Variants in ECE1 observed in about 807,000 individuals in gnomAD.
The protein encoded by ECE1 is endothelin converting enzyme 1, also known as endothelin-converting enzyme 1.
ECE1 carries 35 observed loss-of-function variants against 98.6 expected under a neutral mutation model. The ratio of observed to expected loss-of-function variants is 0.35; its 90% CI spans 0.27 to 0.47. The LOEUF is 0.47. ECE1 is among the 20% of genes least tolerant of loss of function. The probability of loss-of-function intolerance (pLI) is 1.00; values close to 1 mark genes in which losing one functional copy is unlikely to be tolerated. For missense variants in ECE1, 814 were observed against 1,025.3 expected (o/e 0.79, Z 2.81); for synonymous variants, 394 against 407.1 (o/e 0.97, Z 0.39).
chr1:21,345,345 A>C lies in ECE1; in HGVS notation c.3+31T>G. 8 of 1,355,450 alleles carry C rather than the reference A, an allele frequency of 5.9e-6. No individual in the cohort carries two copies. The highest frequency in any genetic ancestry group is 7.7e-6 in the Non-Finnish European group (8 of 1,045,150). The allele number at this position is 1,355,450 out of a possible 1,614,324, so 84.0% of individuals were successfully genotyped here. A position where few individuals can be genotyped will look rare whatever the true frequency, so the allele number is the denominator to read the frequency against. ...CCCGCGACCGTCGAGGCTGGGCTGGACCGGACCAGACCTCCGCGCGCAGCA... is the reference window on the plus strand; with the variant it reads ...CCCGCGACCGTCGAGGCTGGGCTGGCCCGGACCAGACCTCCGCGCGCAGCA... On this transcript the variant is annotated intron_variant, in intron 1 of 18. Coordinates refer to the ECE1 transcript ENST00000415912. The surrounding 1 kb of genome is among the most constrained non-coding windows in gnomAD (Gnocchi z 5.1).
chr1:21,268,146 GGCA>G (rs2098236211), intron 4 of ECE1, among the ~76,000 whole-genome samples: 2 of 152,180 alleles, frequency 1.3e-5, no homozygotes, highest in African/African-American at 4.8e-5. Context: ...AGACAATGGA[GGCA>G]GCAGGTTTGA....
intron 1 of ECE1, among the ~76,000 whole-genome samples, chr1:21,332,666 C>A (rs1414061137): frequency 1.5e-5 from 1 of 64,998 alleles, no homozygotes; most frequent in Non-Finnish European, 2.9e-5. Context: ...AGGAGGAGAG[C>A]GGAGGAGACA....
intron 4 of ECE1, among the ~76,000 whole-genome samples, chr1:21,264,790 C>T (rs531157220): frequency 3.0e-4 from 45 of 152,306 alleles, no homozygotes; most frequent in African/African-American, 7.2e-4. Context: ...TTCATGGAGG[C>T]GTAATGATAA....
In ECE1 at chr1:21,322,003, G is replaced by A. The variant is rs1017885071; in HGVS notation, c.3+23373C>T. Among the ~76,000 whole-genome samples the A allele has an allele frequency of 3.3e-5, 5 of 152,142 alleles. No homozygotes were observed. The highest frequency in any genetic ancestry group is 1.2e-4 in the African/African-American group (5 of 41,414). ...TAAGACCGCTTGGAAGGGGCCAGTTGGTGTGATTCCCAGGTCCGAATGAAA... is the reference window on the plus strand; with the variant it reads ...TAAGACCGCTTGGAAGGGGCCAGTTAGTGTGATTCCCAGGTCCGAATGAAA... On this transcript the variant is annotated intron_variant, in intron 1 of 18. Coordinates refer to the ECE1 transcript ENST00000415912. The surrounding 1 kb of genome is among the most constrained non-coding windows in gnomAD (Gnocchi z 4.1).
intron 1 of ECE1, among the ~76,000 whole-genome samples, chr1:21,296,204 C>T (rs1201584111): frequency 2.0e-5 from 3 of 152,032 alleles, no homozygotes; most frequent in East Asian, 1.9e-4. Flanking sequence ...AAGTCAAATA[C>T]GAGTTATTAA....
chr1:21,232,868 G>A (rs768700542), intron 14 of ECE1, among the ~76,000 whole-genome samples: 1 of 152,026 alleles, frequency 6.6e-6, no homozygotes, highest in Non-Finnish European at 1.5e-5. Flanking sequence ...AGTAGAGACA[G>A]GGTTTTGCCA....
chr1:21,228,653 G>A (rs2098177607), intron 14 of ECE1, among the ~76,000 whole-genome samples: 1 of 151,884 alleles, frequency 6.6e-6, no homozygotes, highest in Non-Finnish European at 1.5e-5. Context: ...GCCAGGCGTG[G>A]TGGCGCACAC....
chr1:21,343,808 C>G (rs560597398), intron 1 of ECE1, among the ~76,000 whole-genome samples: 2 of 152,258 alleles, frequency 1.3e-5, no homozygotes, highest in Non-Finnish European at 2.9e-5. Flanking sequence ...GAGGGGACCT[C>G]TTTCTTTTTT....
rs2098205003 is a variant in ECE1, at chr1:21,247,253, C to G, written c.1131G>C (p.Gln377His). The G allele has an allele frequency of 6.2e-7, 1 of 1,614,074 alleles. No homozygotes were observed. The highest frequency in any genetic ancestry group is 1.3e-5 in the African/African-American group (1 of 74,944). The change falls in exon 9 of 19, where the codon CAG becomes CAC. Residue 377 changes from glutamine (Q) to histidine (H), a missense_variant. Physicochemically the swap from Gln to His is conservative, Grantham distance 24. Transcript: ENST00000374893. ...IVVYDKEYLEQISTLINTTDR... is the reference protein window; with the variant it reads ...IVVYDKEYLEHISTLINTTDR... ...CGGTGGTGTTGATGAGAGTGGAGATCTGCTCAAGGTATTCCTTGTCATAGA... is the reference window on the plus strand; with the variant it reads ...CGGTGGTGTTGATGAGAGTGGAGATGTGCTCAAGGTATTCCTTGTCATAGA...
At chr1:21,274,362 G>A (rs1001321011) in intron 3 of ECE1, among the ~76,000 whole-genome samples, 24 of 152,362 alleles carry the variant, frequency 1.6e-4, no homozygotes, top group Non-Finnish European at 3.5e-4. Flanking sequence ...CAGTGAGGCA[G>A]GGTGGGCTTT....
Position 21,233,459 on chromosome 1 carries a change from T to A in ECE1, c.1670+99A>T. 1 of 1,047,514 alleles carries A rather than the reference T, an allele frequency of 9.5e-7. No homozygotes were observed. Among genetic ancestry groups the A allele is most frequent in the Non-Finnish European group, 1.5e-6 (1 of 689,388 alleles). The allele number at this position is 1,047,514 out of a possible 1,614,324, so 64.9% of individuals were successfully genotyped here. On this transcript the variant is annotated intron_variant, in intron 14 of 18. Transcript: ENST00000374893. This position sits in a 1 kb window ranked among gnomAD's most constrained non-coding sequence, Gnocchi z 4.0. ...TTCAGACGGCTCTCGTGATAGCTGA[T>A]CGGGTGCACAGTGAGGGTGCAATGA...
intron 4 of ECE1, among the ~76,000 whole-genome samples, chr1:21,264,548 C>T (rs2098231452): frequency 6.6e-6 from 1 of 152,172 alleles, no homozygotes; most frequent in Admixed American, 6.5e-5. Flanking sequence ...CTCCTGACCT[C>T]AGGTGGTCTG....
intron 15 of ECE1, 87 bp from the exon 16 acceptor site, chr1:21,227,313 G>T: frequency 7.3e-7 from 1 of 1,360,576 alleles, no homozygotes; most frequent in Non-Finnish European, 1.1e-6. Flanking sequence ...CACTTCCTGG[G>T]CTTAGAGATA....
At chr1:21,314,713 C>T (rs1638797434) in intron 1 of ECE1, among the ~76,000 whole-genome samples, 1 of 152,268 alleles carries the variant, frequency 6.6e-6, no homozygotes, top group Non-Finnish European at 1.5e-5. Flanking sequence ...CCTAAGACCC[C>T]AACGCCACTG....
At chr1:21,263,102 G>A (rs527462714) in intron 4 of ECE1, among the ~76,000 whole-genome samples, 6 of 152,284 alleles carry the variant, frequency 3.9e-5, no homozygotes, top group East Asian at 1.9e-4. Context: ...GGGAAGCTTC[G>A]TTTGAGCTTC....
chr1:21,238,999 T>A (rs955391773), intron 10 of ECE1, among the ~76,000 whole-genome samples: 54 of 129,680 alleles, frequency 4.2e-4, no homozygotes, highest in Admixed American at 1.5e-3. Flanking sequence ...TATTTAAAAA[T>A]TTTTTTTTTT....
At chr1:21,251,721 C>T (rs1265843249) in intron 8 of ECE1, among the ~76,000 whole-genome samples, 1 of 152,176 alleles carries the variant, frequency 6.6e-6, no homozygotes, top group Non-Finnish European at 1.5e-5. Flanking sequence ...ATGAGCAGAC[C>T]TGGATCAGCA....
At chr1:21,282,130 A>T (rs1392887951) in intron 2 of ECE1, among the ~76,000 whole-genome samples, 1 of 152,094 alleles carries the variant, frequency 6.6e-6, no homozygotes, top group Non-Finnish European at 1.5e-5. Flanking sequence ...CTTAAAAAAA[A>T]TTAAATTAAA....
At chr1:21,330,118 C>G (rs1639167425) in intron 1 of ECE1, among the ~76,000 whole-genome samples, 2 of 145,682 alleles carry the variant, frequency 1.4e-5, no homozygotes, top group Non-Finnish European at 1.5e-5. Flanking sequence ...CTCCTGCCCA[C>G]ATACTCACTA....
Sources: gnomAD v4.1 joint callset for allele counts (sites outside exome capture counted in the v4.1 genomes callset) on GRCh38, gnomAD v4.1.1 for gene constraint, Gnocchi (gnomAD v3.1) non-coding constraint, MANE v1.5 for transcripts, NCBI Gene and HGNC (gene_info 2026-07-23, HGNC 2026-07-21) for gene names.